The following ITGAE variants were observed in gnomAD, a reference collection of about 807,000 sequenced individuals.
ITGAE encodes the protein integrin subunit alpha E.
ITGAE carries 99 observed loss-of-function variants against 136.5 expected under a neutral mutation model. The ratio of observed to expected loss-of-function variants is 0.73; its 90% CI spans 0.62 to 0.86. The LOEUF (loss-of-function observed/expected upper bound fraction) is 0.86. Among genes scored for constraint, ITGAE ranks in the 40% least tolerant of loss-of-function variants. The probability of loss-of-function intolerance (pLI) is 0.00; values close to 1 mark genes in which losing one functional copy is unlikely to be tolerated. For missense variants in ITGAE, 1,447 were observed against 1,515.3 expected, an observed-to-expected ratio of 0.95 and a Z score of 0.75; for synonymous variants, 613 against 591.8, an observed-to-expected ratio of 1.04 and a Z score of -0.52.
At chr17:3,783,031 C>G (rs1390455295) in intron 1 of ITGAE, among the ~76,000 whole-genome samples, 3 of 152,192 alleles carry the variant, frequency 2.0e-5, no homozygotes, top group Non-Finnish European at 4.4e-5. Flanking sequence ...TTCTATGATT[C>G]TGAAGTCGAT....
At chr17:3,782,870 C>G (rs1307690481) in intron 1 of ITGAE, among the ~76,000 whole-genome samples, 1 of 152,198 alleles carries the variant, frequency 6.6e-6, no homozygotes, top group Non-Finnish European at 1.5e-5. Context: ...ACATCGCACT[C>G]TCACGGGAAG....
At chr17:3,728,822 A>G (rs1350566912) in intron 24 of ITGAE, among the ~76,000 whole-genome samples, 1 of 150,628 alleles carries the variant, frequency 6.6e-6, no homozygotes, top group Non-Finnish European at 1.5e-5. Flanking sequence ...ACCTGAGGCC[A>G]GGAGTTCAAG....
chr17:3,788,025 C>T (rs1050651351), intron 1 of ITGAE, among the ~76,000 whole-genome samples: 7 of 152,110 alleles, frequency 4.6e-5, no homozygotes, highest in Admixed American at 4.6e-4. Flanking sequence ...AGTCTCCTTA[C>T]AAGATTCCTG....
intron 18 of ITGAE, among the ~76,000 whole-genome samples, chr17:3,743,978 T>C (rs1006679978): frequency 8.6e-5 from 13 of 151,250 alleles, no homozygotes; most frequent in South Asian, 2.1e-4. Context: ...GCTGGGATTA[T>C]AGGCGTAAGC....
At chr17:3,746,059 G>A (rs2051706355) in intron 17 of ITGAE, 132 bp from the exon 18 acceptor site, 2 of 763,302 alleles carry the variant, frequency 2.6e-6, no homozygotes, top group Non-Finnish European at 4.2e-6. Context: ...CCCTGCGGCT[G>A]GACTCCTGCG....
intron 29 of ITGAE, 75 bp from the exon 30 acceptor site, chr17:3,716,873 G>C: frequency 1.2e-6 from 1 of 842,122 alleles, no homozygotes; most frequent in Non-Finnish European, 2.0e-6. Flanking sequence ...TTATTTTAAG[G>C]AGCAAAATAC....
rs772995241 is a variant in ITGAE, at chr17:3,751,840, C to T, written c.1703G>A (p.Gly568Glu). ...GCGGGCATTGGTGAACCCGGGGTGC[C>T]CACTCAGTATGCGTGCCAAGGAGAA... ...GSFSLARILS[G>E]HPGFTNARFG... Residue 568 changes from glycine (G) to glutamate (E), a missense_variant, in exon 15 of 31, where the codon GGG becomes GAG. Physicochemically the swap from Gly to Glu is moderately conservative, Grantham distance 98. Around this residue, in one of 3 missense-constraint regions of ITGAE, gnomAD observed 1,031 missense variants for 1,011.4 expected, o/e 1.02. Transcript: ENST00000263087. The T allele has an allele frequency of 5.8e-5, 94 of 1,613,940 alleles. No individual in the cohort carries two copies. The highest frequency in any genetic ancestry group is 6.5e-5 in the Non-Finnish European group (77 of 1,179,972).
At chr17:3,770,040 C>G (rs1434313378) in intron 2 of ITGAE, among the ~76,000 whole-genome samples, 1 of 151,766 alleles carries the variant, frequency 6.6e-6, no homozygotes, top group East Asian at 1.9e-4. Flanking sequence ...TTTAACTGGT[C>G]ACTGACTTGA....
chr17:3,740,740 C>G (rs1343318490), intron 19 of ITGAE, among the ~76,000 whole-genome samples: 2 of 152,202 alleles, frequency 1.3e-5, no homozygotes, highest in Non-Finnish European at 2.9e-5. Context: ...ATTCTGAAAG[C>G]CACATTTCAA....
At chr17:3,796,085 G>T in intron 1 of ITGAE, among the ~76,000 whole-genome samples, 1 of 130,808 alleles carries the variant, frequency 7.6e-6, no homozygotes, top group Non-Finnish European at 1.6e-5. Flanking sequence ...GCATCCCTGT[G>T]TATGCATCCG....
chr17:3,733,122 T>C (rs1041679999), intron 21 of ITGAE, among the ~76,000 whole-genome samples: 1 of 152,092 alleles, frequency 6.6e-6, no homozygotes, highest in African/African-American at 2.4e-5. Flanking sequence ...TAGCTGGGAT[T>C]ATAGGTGCCC....
At chr17:3,795,575 A>C (rs2053045929) in intron 1 of ITGAE, among the ~76,000 whole-genome samples, 1 of 152,230 alleles carries the variant, frequency 6.6e-6, no homozygotes, top group African/African-American at 2.4e-5. Context: ...CCCGATTTCA[A>C]AGCCTTTAGT....
chr17:3,796,040 CGT>C (rs1175219041), intron 1 of ITGAE, among the ~76,000 whole-genome samples: 279 of 63,466 alleles, frequency 4.4e-3, no homozygotes, highest in Admixed American at 7.7e-3. Context: ...CGTGTGCATC[CGT>C]GTGTGCATCT....
At chr17:3,743,949 C>T (rs561726894) in intron 18 of ITGAE, among the ~76,000 whole-genome samples, 121 of 151,420 alleles carry the variant, frequency 8.0e-4, no homozygotes, top group Non-Finnish European at 1.4e-3. Context: ...GTGATCCACC[C>T]GCCTCAGCCT....
chr17:3,749,595 C>T (rs1427857732), intron 16 of ITGAE, among the ~76,000 whole-genome samples: 4 of 152,132 alleles, frequency 2.6e-5, no homozygotes, highest in Non-Finnish European at 5.9e-5. Flanking sequence ...TGACTGTGAG[C>T]AGCAGCTCAG....
At chr17:3,716,998 C>T in intron 29 of ITGAE, 200 bp from the exon 30 acceptor site, 1 of 509,142 alleles carries the variant, frequency 2.0e-6, no homozygotes, top group South Asian at 2.3e-5. Context: ...CACCCAAATA[C>T]TTCGTAAGAA....
chr17:3,721,046 A>G lies in ITGAE; in HGVS notation c.3238-644T>C, dbSNP rs148772447. 3.2e-3 allele frequency among the ~76,000 whole-genome samples: 480 copies of G among 151,998 alleles called. 6 individuals are homozygous for G. Among genetic ancestry groups the G allele is most frequent in the African/African-American group, 0.011 (465 of 41,464 alleles). On this transcript the variant is annotated intron_variant, in intron 28 of 30. Coordinates refer to ENST00000263087, the MANE Select transcript of ITGAE (RefSeq NM_002208.5). ...CAGGCTCAAGTGATCCTCCCACCTCAGTCTCCTGAGTAGCTGAGACCACAG... is the reference window on the plus strand; with the variant it reads ...CAGGCTCAAGTGATCCTCCCACCTCGGTCTCCTGAGTAGCTGAGACCACAG...
intron 2 of ITGAE, among the ~76,000 whole-genome samples, chr17:3,772,787 G>A (rs1326835736): frequency 2.6e-5 from 4 of 152,046 alleles, no homozygotes; most frequent in South Asian, 2.1e-4. Context: ...TGACTGCACC[G>A]ATGAAACCAG....
chr17:3,795,166 G>GC (rs1265364533), intron 1 of ITGAE, among the ~76,000 whole-genome samples: 2 of 152,088 alleles, frequency 1.3e-5, no homozygotes, highest in Admixed American at 6.5e-5. Flanking sequence ...CAAACCCTGA[G>GC]CCCCCTCAGC....
Sources: allele counts gnomAD v4.1 joint callset (sites outside exome capture counted in the v4.1 genomes callset), GRCh38; gene constraint gnomAD v4.1.1; regional missense constraint gnomAD v4.1.1; transcripts MANE v1.5; gene names NCBI Gene and HGNC (gene_info 2026-07-23, HGNC 2026-07-21).